The following CNTN4 variants were observed in gnomAD, a reference collection of about 807,000 sequenced individuals.
The protein encoded by CNTN4 is contactin 4.
CNTN4 carries 77 observed loss-of-function variants against 122.5 expected under a neutral mutation model. The ratio of observed to expected loss-of-function variants is 0.63; its 90% CI spans 0.52 to 0.76. The LOEUF is 0.76. Among genes scored for constraint, CNTN4 ranks in the 30% least tolerant of loss-of-function variants. CNTN4 has a pLI of 0.00. For synonymous variants in CNTN4, 512 were observed against 447.0 expected (o/e 1.15, Z -1.83); for missense variants, 1,256 against 1,259.1 (o/e 1.00, Z 0.04).
At chr3:2,707,304 T>TA (rs1347189846) in intron 4 of CNTN4, among the ~76,000 whole-genome samples, 5 of 149,362 alleles carry the variant, frequency 3.3e-5, no homozygotes, top group African/African-American at 9.9e-5. Flanking sequence ...AGACCATGTC[T>TA]CAAAAAAAAA....
chr3:2,480,085 T>A (rs768003392), intron 3 of CNTN4, among the ~76,000 whole-genome samples: 7 of 151,988 alleles, frequency 4.6e-5, no homozygotes, highest in Non-Finnish European at 8.8e-5. Context: ...TGATAAGAAC[T>A]CTCTGCAAAC....
intron 4 of CNTN4, among the ~76,000 whole-genome samples, chr3:2,583,746 T>C (rs1043887209): frequency 6.6e-6 from 1 of 152,224 alleles, no homozygotes; most frequent in Non-Finnish European, 1.5e-5. Flanking sequence ...TAATAACAAT[T>C]TGTTAAACAC....
At chr3:2,274,067 A>G (rs1255950258) in intron 2 of CNTN4, among the ~76,000 whole-genome samples, 1 of 152,114 alleles carries the variant, frequency 6.6e-6, no homozygotes, top group Non-Finnish European at 1.5e-5. Flanking sequence ...GGTTCATGTC[A>G]TACCCACATC....
At chr3:2,891,857 G>T (rs1222058210) in intron 10 of CNTN4, among the ~76,000 whole-genome samples, 2 of 152,156 alleles carry the variant, frequency 1.3e-5, no homozygotes, top group African/African-American at 2.4e-5. Context: ...TTAATGTTTT[G>T]AAAAGACCGC....
intron 8 of CNTN4, among the ~76,000 whole-genome samples, chr3:2,870,273 T>A (rs985773116): frequency 4.6e-5 from 7 of 152,210 alleles, no homozygotes; most frequent in African/African-American, 1.7e-4. Context: ...TATTAAAATA[T>A]TTTATCACAA....
chr3:2,548,766 C>T (rs1433563863), intron 3 of CNTN4, among the ~76,000 whole-genome samples: 7 of 152,030 alleles, frequency 4.6e-5, no homozygotes, highest in Admixed American at 3.3e-4. Context: ...TTACTTTGGG[C>T]AGTATGGCCA....
chr3:2,311,462 G>A (rs754791007), intron 2 of CNTN4, among the ~76,000 whole-genome samples: 1 of 152,042 alleles, frequency 6.6e-6, no homozygotes, highest in South Asian at 2.1e-4. Flanking sequence ...GAACTGTTGG[G>A]TTTTCTTTCT....
chr3:2,512,414 C>T (rs1392567103), intron 3 of CNTN4, among the ~76,000 whole-genome samples: 4 of 152,042 alleles, frequency 2.6e-5, no homozygotes, highest in Non-Finnish European at 5.9e-5. Flanking sequence ...TATGTATCCT[C>T]AAATGCCATC....
rs149942644 is a variant in CNTN4 at position 2,364,483 on chromosome 3, T to A, written c.-89+25250T>A. Among the ~76,000 whole-genome samples the A allele has an allele frequency of 1.1e-3, 171 of 152,210 alleles. 3 individuals are homozygous for A. The East Asian group carries it at 0.023, about 21-fold the overall frequency. On this transcript the variant is annotated intron_variant, in intron 3 of 24. Coordinates refer to ENST00000418658, the MANE Select transcript of CNTN4 (RefSeq NM_175607.3). Reference sequence around the variant, plus strand: ...TCTTTGGAAGTGTTGACAATAGAATTTCCTTTAAAAAACCTCTCAAATGTT... The same window carrying A: ...TCTTTGGAAGTGTTGACAATAGAATATCCTTTAAAAAACCTCTCAAATGTT...
At chr3:2,170,149 G>A (rs1054315028) in intron 2 of CNTN4, among the ~76,000 whole-genome samples, 3 of 150,980 alleles carry the variant, frequency 2.0e-5, no homozygotes, top group Admixed American at 1.3e-4. Flanking sequence ...GTGAAACCCC[G>A]TCTCTACTAA....
intron 3 of CNTN4, among the ~76,000 whole-genome samples, chr3:2,347,138 G>A (rs1216410241): frequency 8.9e-6 from 1 of 112,694 alleles, no homozygotes; most frequent in African/African-American, 3.3e-5. Context: ...GCTAGTTCAT[G>A]CTGCATTATT....
chr3:2,581,985 C>G (rs2079961622), intron 4 of CNTN4, among the ~76,000 whole-genome samples: 1 of 152,048 alleles, frequency 6.6e-6, no homozygotes, highest in South Asian at 2.1e-4. Context: ...TTCCCAGAGC[C>G]AAGGAGTGAG....
At chr3:2,366,186 C>T (rs956886895) in intron 3 of CNTN4, among the ~76,000 whole-genome samples, 1 of 152,242 alleles carries the variant, frequency 6.6e-6, no homozygotes, top group Admixed American at 6.5e-5. Flanking sequence ...CTCTTCATTT[C>T]TTGGTTATTT....
intron 3 of CNTN4, among the ~76,000 whole-genome samples, chr3:2,344,278 AT>A (rs4057746): frequency 2.5e-3 from 361 of 145,772 alleles, no homozygotes; most frequent in East Asian, 2.9e-3. Flanking sequence ...GCCAGGTCAA[AT>A]TTTTTTTTTT....
intron 3 of CNTN4, among the ~76,000 whole-genome samples, chr3:2,346,420 A>G (rs1376147535): frequency 6.6e-6 from 1 of 152,092 alleles, no homozygotes; most frequent in African/African-American, 2.4e-5. Flanking sequence ...TTTAACTTAC[A>G]TAGATTTTCT....
intron 3 of CNTN4, among the ~76,000 whole-genome samples, chr3:2,547,547 G>C (rs888306174): frequency 1.3e-5 from 2 of 152,060 alleles, no homozygotes; most frequent in African/African-American, 4.8e-5. Flanking sequence ...TTGCAGGCGT[G>C]AGCCATCATG....
At chr3:2,436,572 G>A (rs1037545980) in intron 3 of CNTN4, among the ~76,000 whole-genome samples, 3 of 151,922 alleles carry the variant, frequency 2.0e-5, no homozygotes, top group Non-Finnish European at 4.4e-5. Context: ...CTTTGGTGTT[G>A]TGGATGTGGA....
At chr3:2,131,915 C>T (rs1168008185) in intron 2 of CNTN4, among the ~76,000 whole-genome samples, 3 of 152,102 alleles carry the variant, frequency 2.0e-5, no homozygotes, top group Admixed American at 2.0e-4. Flanking sequence ...ACCTAGTGGG[C>T]ATTGTGTTAG....
intron 2 of CNTN4, among the ~76,000 whole-genome samples, chr3:2,154,645 A>G (rs1419592597): frequency 1.3e-5 from 2 of 152,200 alleles, no homozygotes; most frequent in African/African-American, 4.8e-5. Context: ...ATTTATATGT[A>G]TAGAGAATTG....
Sources: gnomAD v4.1 joint callset for allele counts (sites outside exome capture counted in the v4.1 genomes callset) on GRCh38, gnomAD v4.1.1 for gene constraint, MANE v1.5 for transcripts, NCBI Gene and HGNC (gene_info 2026-07-23, HGNC 2026-07-21) for gene names.